Variants in ANKRD27 observed in about 807,000 individuals in gnomAD.
ANKRD27 encodes the protein ankyrin repeat domain 27, also known as ankyrin repeat domain-containing protein 27.
A neutral mutation model predicts 129.7 loss-of-function variants in ANKRD27; 112 were observed. The ratio of observed to expected loss-of-function variants is 0.86; its 90% CI spans 0.74 to 1.01. ANKRD27 has a LOEUF of 1.01. Ranked by LOEUF, ANKRD27 falls within the 50% of genes least tolerant of loss-of-function variation. The pLI, the probability that ANKRD27 is intolerant of heterozygous loss-of-function variation, is 0.00. For missense variants in ANKRD27, 1,258 were observed against 1,300.5 expected (o/e 0.97, Z 0.50); for synonymous variants, 516 against 511.2 (o/e 1.01, Z -0.13).
In ANKRD27 at chr19:32,644,381, C is replaced by T. The variant is rs568458804; in HGVS notation, c.469G>A (p.Ala157Thr). 60 of 1,613,920 alleles carry T rather than the reference C, an allele frequency of 3.7e-5. No homozygotes were observed. Among genetic ancestry groups the T allele is most frequent in the South Asian group, 3.3e-4 (30 of 91,076 alleles). Residue 157 changes from alanine (A) to threonine (T), a missense_variant, in exon 5 of 29, where the codon GCC becomes ACC. Physicochemically the swap from Ala to Thr is moderately conservative, Grantham distance 58 (BLOSUM62 0). Transcript: ENST00000306065. ...RHSERFDRNI[A>T]SFHRTFRECE... is the part of the protein sequence containing the mutation. ...TCTCGGAATGTTCGATGGAAAGAGG[C>T]GATGTTCCTGTCAAATCGCTCGGAG... is the stretch of plus-strand genomic sequence containing the variant.
chr19:32,656,109 A>AAGAG (rs775697134), intron 2 of ANKRD27, among the ~76,000 whole-genome samples: 1 of 101,692 alleles, frequency 9.8e-6, no homozygotes, highest in Non-Finnish European at 2.0e-5. Flanking sequence ...GAAAGAAAGA[A>AAGAG]AAGAAAAGAA....
chr19:32,617,118 A>G (rs1971932254), intron 21 of ANKRD27, among the ~76,000 whole-genome samples: 1 of 152,184 alleles, frequency 6.6e-6, no homozygotes. Flanking sequence ...ATATAACAAC[A>G]CCATTACCAA....
At chr19:32,629,226 T>A (rs1400245450) in intron 13 of ANKRD27, among the ~76,000 whole-genome samples, 1 of 151,894 alleles carries the variant, frequency 6.6e-6, no homozygotes, top group Admixed American at 6.6e-5. Context: ...TGGCCGAGAG[T>A]CCTTTTAGAA....
intron 1 of ANKRD27, among the ~76,000 whole-genome samples, chr19:32,664,415 G>T (rs1215343257): frequency 1.3e-5 from 2 of 151,706 alleles, no homozygotes. Context: ...CTGAGGTCAG[G>T]AGTTCAAGAC....
chr19:32,625,170 C>T (rs1294838669), intron 17 of ANKRD27, among the ~76,000 whole-genome samples: 1 of 151,956 alleles, frequency 6.6e-6, no homozygotes, highest in African/African-American at 2.4e-5. Flanking sequence ...GTGGGAGAAT[C>T]GCTTGAACCT....
At chr19:32,653,007 T>C (rs1967449072) in intron 2 of ANKRD27, among the ~76,000 whole-genome samples, 1 of 152,180 alleles carries the variant, frequency 6.6e-6, no homozygotes, top group South Asian at 2.1e-4. Context: ...GGCACTCTCC[T>C]GCTTCTTCCC....
At chr19:32,602,338 G>A (rs1430432781) in intron 25 of ANKRD27, among the ~76,000 whole-genome samples, 1 of 151,896 alleles carries the variant, frequency 6.6e-6, no homozygotes, top group Non-Finnish European at 1.5e-5. Context: ...TAAAAGCTCT[G>A]CCCTCTCTGT....
At chr19:32,644,553 C>G in intron 4 of ANKRD27, 74 bp from the exon 5 acceptor site, 1 of 1,526,538 alleles carries the variant, frequency 6.6e-7, no homozygotes, top group Non-Finnish European at 8.9e-7. Flanking sequence ...CCTACAGGGC[C>G]TAGGCCCTCT....
In ANKRD27 at chr19:32,633,922, C is replaced by T. The variant is rs1163936211; in HGVS notation, c.1117-2428G>A. ...GCACACACCTGTAGTCCCAGCCACC[C>T]AGGAGGCTGAGGCAGGAGGATCCCT... On this transcript the variant is annotated intron_variant, in intron 12 of 28. Transcript: ENST00000306065. Among the ~76,000 whole-genome samples the T allele has an allele frequency of 2.0e-5, 3 of 151,892 alleles. No homozygotes were observed. The East Asian group carries it at 5.8e-4, about 30-fold the overall frequency.
At chr19:32,662,435 G>A (rs1411756558) in intron 1 of ANKRD27, among the ~76,000 whole-genome samples, 3 of 151,414 alleles carry the variant, frequency 2.0e-5, no homozygotes, top group African/African-American at 7.3e-5. Context: ...GTGAGTGTCA[G>A]CTTCAAGAGG....
At chr19:32,645,280 C>T (rs1238393260) in intron 4 of ANKRD27, among the ~76,000 whole-genome samples, 9 of 151,850 alleles carry the variant, frequency 5.9e-5, no homozygotes, top group African/African-American at 1.9e-4. Flanking sequence ...GGTGTGGTGG[C>T]GGGCGCCTGT....
At chr19:32,599,669 A>G in intron 28 of ANKRD27, 35 bp downstream of exon 28, 1 of 1,587,632 alleles carries the variant, frequency 6.3e-7, no homozygotes, top group African/African-American at 1.4e-5. Flanking sequence ...CGGGCTTTAG[A>G]AAATATGATT....
At chr19:32,663,393 AC>A (rs1352971583) in intron 1 of ANKRD27, among the ~76,000 whole-genome samples, 4 of 152,262 alleles carry the variant, frequency 2.6e-5, no homozygotes, top group Non-Finnish European at 5.9e-5. Context: ...AGCAAAGGCT[AC>A]CTGAAACCAC....
At chr19:32,642,998 G>T in intron 9 of ANKRD27, 125 bp downstream of exon 9, 1 of 910,772 alleles carries the variant, frequency 1.1e-6, no homozygotes, top group Non-Finnish European at 1.7e-6. Flanking sequence ...AAGTAACTGC[G>T]CTGCTCCTCA....
intron 13 of ANKRD27, among the ~76,000 whole-genome samples, chr19:32,629,172 C>T (rs916032829): frequency 3.3e-5 from 5 of 152,142 alleles, no homozygotes; most frequent in Non-Finnish European, 7.3e-5. Context: ...CCACCCATCT[C>T]GGCCTCCCGA....
chr19:32,608,465 G>T, intron 22 of ANKRD27: 1 of 292,144 alleles, frequency 3.4e-6, no homozygotes. Flanking sequence ...GGGTTTAGGT[G>T]AGAATAATTT....
intron 9 of ANKRD27, among the ~76,000 whole-genome samples, chr19:32,642,730 T>G (rs778416559): frequency 6.6e-6 from 1 of 151,940 alleles, no homozygotes; most frequent in African/African-American, 2.4e-5. Context: ...GAGTGAGACT[T>G]TGTCTCAAAA....
Position 32,625,949 on chromosome 19 carries a change from G to A in ANKRD27, c.1554C>T (p.Tyr518=). 1.9e-6 allele frequency: 3 copies of A among 1,610,220 alleles called. No individual in the cohort carries two copies. Among genetic ancestry groups the A allele is most frequent in the South Asian group, 1.1e-5 (1 of 90,162 alleles). The part of the protein sequence containing the change: ...YQSVTLLLLH[Y]KASAEVQDNN... Reference sequence around the variant, plus strand: ...TGTCCTGCACTTCCGCGCTGGCCTTGTAGTGCAGCAGCAGCAGCTGCGGAG... The same window carrying A: ...TGTCCTGCACTTCCGCGCTGGCCTTATAGTGCAGCAGCAGCAGCTGCGGAG... Residue 518 remains tyrosine, a synonymous_variant, in exon 17 of 29, where the codon TAC becomes TAT. Coordinates refer to ENST00000306065, the MANE Select transcript of ANKRD27 (RefSeq NM_032139.3).
chr19:32,622,483 G>A lies in ANKRD27; in HGVS notation c.1766C>T (p.Ala589Val), dbSNP rs201104046. The change falls in exon 18 of 29, where the codon GCG (alanine) becomes GTG (valine). Residue 589 changes from alanine to valine, a missense_variant. Physicochemically the swap from Ala to Val is moderately conservative, Grantham distance 64. Coordinates refer to ENST00000306065, the MANE Select transcript of ANKRD27 (RefSeq NM_032139.3). ...GVIETLLQNG[A>V]STEIQNRLKE... The stretch of plus-strand genomic sequence containing the variant: ...CAGTCTGTTCTGGATCTCGGTGGAC[G>A]CTCCGTTCTGCAGCAATGTCTCTAT... 2.2e-4 allele frequency: 357 copies of A among 1,607,238 alleles called. No individual in the cohort carries two copies. Among genetic ancestry groups the A allele is most frequent in the Non-Finnish European group, 2.4e-4 (280 of 1,177,882 alleles).
Sources: allele counts gnomAD v4.1 joint callset (sites outside exome capture counted in the v4.1 genomes callset), GRCh38; gene constraint gnomAD v4.1.1; transcripts MANE v1.5; gene names NCBI Gene and HGNC (gene_info 2026-07-23, HGNC 2026-07-21).